Variants in HOMER2 observed in about 807,000 individuals in gnomAD.
HOMER2 encodes homer scaffold protein 2, also known as homer protein homolog 2.
Under a neutral mutation model 47.0 loss-of-function variants are expected in HOMER2, and 27 were observed. That is an observed-to-expected ratio of 0.57 (90% CI 0.42 to 0.79). HOMER2 has a LOEUF of 0.79. HOMER2 is among the 30% of genes least tolerant of loss of function. HOMER2 has a pLI of 0.00. For missense variants in HOMER2, 443 were observed against 435.0 expected (o/e 1.02, Z -0.16); for synonymous variants, 161 against 163.8 (o/e 0.98, Z 0.13).
intron 3 of HOMER2, among the ~76,000 whole-genome samples, chr15:82,864,655 ATAGTT>A (rs1479590494): frequency 6.3e-5 from 9 of 141,994 alleles, no homozygotes; most frequent in Non-Finnish European, 1.2e-4. Context: ...CTTGATGCTT[ATAGTT>A]TAAAGTACTT....
intron 1 of HOMER2, among the ~76,000 whole-genome samples, chr15:82,983,924 G>A (rs554719272): frequency 4.0e-5 from 6 of 151,580 alleles, no homozygotes; most frequent in African/African-American, 7.3e-5. Context: ...TTTTTCTCTC[G>A]TAATCCACTC....
chr15:82,851,818 T>C lies in HOMER2; in HGVS notation c.762+324A>G, dbSNP rs532094047. On this transcript the variant is annotated intron_variant, in intron 7 of 8. Transcript: ENST00000450735. ...AAAAAGAAAATAAGTGGTTACATCATGGGTCTCTAGCGGCATTAATTTGGC... is the reference window on the plus strand; with the variant it reads ...AAAAAGAAAATAAGTGGTTACATCACGGGTCTCTAGCGGCATTAATTTGGC... 6.1e-4 allele frequency among the ~76,000 whole-genome samples: 93 copies of C among 152,334 alleles called. 1 individual carries two copies. Among genetic ancestry groups the C allele is most frequent in the Non-Finnish European group, 1.2e-3 (84 of 68,026 alleles).
downstream of HOMER2, chr15:82,834,764 C>G (rs535639193): frequency 6.6e-6 from 1 of 152,376 alleles, no homozygotes; most frequent in South Asian, 2.1e-4. Flanking sequence ...GTAATGAAAA[C>G]ATACCTTAGC....
chr15:82,934,131 C>A (rs1041411605), intron 1 of HOMER2, among the ~76,000 whole-genome samples: 2 of 152,176 alleles, frequency 1.3e-5, no homozygotes, highest in African/African-American at 4.8e-5. Context: ...CCACCGCCCC[C>A]CACATATGCA....
exon 2 of HOMER2, chr15:82,838,365 G>C (rs1202891273): frequency 1.3e-5 from 2 of 152,476 alleles, no homozygotes; most frequent in East Asian, 3.8e-4. Flanking sequence ...CTGGGAAGTA[G>C]GGGGTAGAAC....
At chr15:82,871,663 C>T (rs1164578346) in intron 3 of HOMER2, among the ~76,000 whole-genome samples, 1 of 152,150 alleles carries the variant, frequency 6.6e-6, no homozygotes, top group African/African-American at 2.4e-5. Context: ...AGCAGAACTC[C>T]AGCACTGCAC....
rs1297956137 is a variant in HOMER2, at chr15:82,905,860, C to T, written c.6-13019G>A. Among the ~76,000 whole-genome samples, 3 of 151,932 alleles carry T rather than the reference C, an allele frequency of 2.0e-5. No homozygotes were observed. In the East Asian group the frequency reaches 5.8e-4, roughly 29 times the overall value. On this transcript the variant is annotated intron_variant, in intron 1 of 8. Coordinates refer to ENST00000450735, the MANE Select transcript of HOMER2 (RefSeq NM_004839.4). ...AATGAGATAGGACAGAAACTTGAATCTACATAAAAAAAGAGCATCAGAGAA... is the reference window on the plus strand; with the variant it reads ...AATGAGATAGGACAGAAACTTGAATTTACATAAAAAAAGAGCATCAGAGAA...
In HOMER2 at chr15:82,961,151, G is replaced by A. The variant is rs935892876; in HGVS notation, n.83-1843C>T. 2.0e-5 allele frequency among the ~76,000 whole-genome samples: 3 copies of A among 152,300 alleles called. No homozygotes were observed. The South Asian group carries it at 6.2e-4, about 32-fold the overall frequency. On this transcript the variant is annotated intron_variant and non_coding_transcript_variant, in intron 1 of 1. Coordinates refer to the HOMER2 transcript ENST00000500334. ...GGAGTTTCCTTTCTGTCACTTCCGA[G>A]CTACAATACCACAACAGTTTCCAGA... is the stretch of plus-strand genomic sequence containing the variant.
At chr15:82,960,672 T>G (rs1419980224) in intron 1 of HOMER2, among the ~76,000 whole-genome samples, 1 of 152,248 alleles carries the variant, frequency 6.6e-6, no homozygotes, top group Non-Finnish European at 1.5e-5. Context: ...AAATATTTAC[T>G]GAACACCTAC....
intron 1 of HOMER2, among the ~76,000 whole-genome samples, chr15:82,941,195 G>C (rs143495888): frequency 0.053 from 8,042 of 151,906 alleles, 531 homozygotes; most frequent in African/African-American, 0.16. Context: ...TGTAATCCCA[G>C]CACTTTGGGA....
At chr15:82,866,892 C>T (rs900821798) in intron 3 of HOMER2, among the ~76,000 whole-genome samples, 25 of 151,946 alleles carry the variant, frequency 1.6e-4, no homozygotes, top group Non-Finnish European at 2.9e-4. Context: ...TTATCAGCAG[C>T]GTGAAAATGG....
intron 1 of HOMER2, among the ~76,000 whole-genome samples, chr15:82,907,669 T>C (rs2053329500): frequency 1.3e-5 from 2 of 151,850 alleles, no homozygotes; most frequent in Admixed American, 1.3e-4. Context: ...CCAAGAAGAG[T>C]AGATTGCATG....
chr15:82,894,796 A>G (rs1216761188), intron 1 of HOMER2, among the ~76,000 whole-genome samples: 1 of 152,012 alleles, frequency 6.6e-6, no homozygotes, highest in Non-Finnish European at 1.5e-5. Context: ...GTCAAAAGAG[A>G]TAAAATAAAA....
At chr15:82,986,025 A>T (rs1161310058), upstream of HOMER2, 16 of 979,444 alleles carry the variant, frequency 1.6e-5, no homozygotes, top group Non-Finnish European at 1.9e-5. Context: ...GCCACCAGGC[A>T]GGCTGAAAGT....
chr15:82,871,980 G>C (rs2052189196), intron 3 of HOMER2, among the ~76,000 whole-genome samples: 1 of 152,196 alleles, frequency 6.6e-6, no homozygotes, highest in African/African-American at 2.4e-5. Context: ...CTTGGCTTCA[G>C]GGAAGAACTT....
At chr15:82,945,220 TAAA>T (rs35180005) in intron 1 of HOMER2, among the ~76,000 whole-genome samples, 1 of 120,408 alleles carries the variant, frequency 8.3e-6, no homozygotes, top group African/African-American at 2.9e-5. Context: ...TAAAATGTCT[TAAA>T]AAAAAAAAAA....
intron 1 of HOMER2, among the ~76,000 whole-genome samples, chr15:82,922,132 A>G (rs954930798): frequency 1.3e-5 from 2 of 152,206 alleles, no homozygotes; most frequent in Non-Finnish European, 2.9e-5. Context: ...TGGCACATTC[A>G]GATTTACATC....
At chr15:82,910,132 CA>C (rs35191408) in intron 1 of HOMER2, among the ~76,000 whole-genome samples, 573 of 22,112 alleles carry the variant, frequency 0.026, no homozygotes, top group Non-Finnish European at 0.035. Flanking sequence ...GATTCTGTCT[CA>C]AAAAAAAAAA....
intron 1 of HOMER2, among the ~76,000 whole-genome samples, chr15:82,983,685 T>A (rs186059040): frequency 1.1e-4 from 16 of 151,958 alleles, no homozygotes; most frequent in South Asian, 6.3e-4. Flanking sequence ...GCCTCCCAAG[T>A]TCAAGCAATC....
Sources: allele counts gnomAD v4.1 joint callset (sites outside exome capture counted in the v4.1 genomes callset), GRCh38; gene constraint gnomAD v4.1.1; transcripts MANE v1.5; gene names NCBI Gene and HGNC (gene_info 2026-07-23, HGNC 2026-07-21).